Variants in NCOA6 observed in about 807,000 individuals in gnomAD.
NCOA6 encodes NRC RAP250.
NCOA6 carries 49 observed loss-of-function variants against 171.4 expected under a neutral mutation model. The ratio of observed to expected loss-of-function variants is 0.29; its 90% CI spans 0.23 to 0.36. The LOEUF (loss-of-function observed/expected upper bound fraction) is 0.36, where lower values mean the gene tolerates loss of function less well. Among genes scored for constraint, NCOA6 ranks in the 10% least tolerant of loss-of-function variants. The probability of loss-of-function intolerance (pLI) is 1.00; values close to 1 mark genes in which losing one functional copy is unlikely to be tolerated. For synonymous variants in NCOA6, 910 were observed against 927.5 expected, an observed-to-expected ratio of 0.98 and a Z score of 0.34; for missense variants, 2,248 against 2,554.5, an observed-to-expected ratio of 0.88 and a Z score of 2.59.
intron 9 of NCOA6, among the ~76,000 whole-genome samples, chr20:34,748,404 G>T (rs2076369262): frequency 6.6e-6 from 1 of 152,188 alleles, no homozygotes; most frequent in African/African-American, 2.4e-5. Context: ...TTGTGGGAAG[G>T]CTGGGATAAA....
chr20:34,726,370 G>C (rs1254091968), intron 14 of NCOA6, among the ~76,000 whole-genome samples: 1 of 152,172 alleles, frequency 6.6e-6, no homozygotes, highest in African/African-American at 2.4e-5. Flanking sequence ...CCAAGAGAGA[G>C]GGGGAGAAAG....
intron 5 of NCOA6, among the ~76,000 whole-genome samples, chr20:34,766,339 C>T (rs564213596): frequency 6.6e-6 from 1 of 152,008 alleles, no homozygotes; most frequent in African/African-American, 2.4e-5. Context: ...TGGCTGGGTA[C>T]GGTGGCTCAG....
chr20:34,757,747 G>A lies in NCOA6; in HGVS notation c.1001C>T (p.Ser334Phe). 6.2e-7 allele frequency: 1 copy of A among 1,614,146 alleles called. No individual in the cohort carries two copies. The highest frequency in any genetic ancestry group is 8.5e-7 in the Non-Finnish European group (1 of 1,180,020). The change falls in exon 7 of 15, where the codon TCT (serine) becomes TTT (phenylalanine). Residue 334 changes from serine to phenylalanine, a missense_variant. Ser to Phe is a radical substitution (Grantham distance 155). Transcript: ENST00000359003. Reference sequence around the variant, plus strand: ...TTGGTTTGCAGTCATTGTGCCCAGAGAACCCTGGGCTGGAGGAGGTTGAAG... The same window carrying A: ...TTGGTTTGCAGTCATTGTGCCCAGAAAACCCTGGGCTGGAGGAGGTTGAAG... Reference protein sequence around the residue: ...GALQPPPAQGSLGTMTANQGW... With the variant: ...GALQPPPAQGFLGTMTANQGW...
rs775435603 is a variant in NCOA6, at chr20:34,757,800, T to C, written c.948A>G (p.Pro316=). The C allele has an allele frequency of 1.2e-5, 19 of 1,614,122 alleles. No individual in the cohort carries two copies. Among genetic ancestry groups the C allele is most frequent in the Non-Finnish European group, 1.5e-5 (18 of 1,180,018 alleles). The change falls in exon 7 of 15, where the codon CCA becomes CCG. Residue 316 remains proline, a synonymous_variant. Transcript: ENST00000359003. ...CTCCAGAAGGCAGCTGGTTCCAGCC[T>C]GGAGGAACAGGCACCTGAGTTGGGG... ...FTAPTQVPVP[P]GWNQLPSGAL... is the part of the protein sequence containing the mutation.
At chr20:34,774,537 A>C (rs1272739746) in intron 4 of NCOA6, among the ~76,000 whole-genome samples, 4 of 152,224 alleles carry the variant, frequency 2.6e-5, no homozygotes, top group Non-Finnish European at 5.9e-5. Context: ...GCTAGACTGC[A>C]TAAAATGTGT....
chr20:34,767,754 A>G (rs1331769934), intron 5 of NCOA6, among the ~76,000 whole-genome samples: 4 of 152,322 alleles, frequency 2.6e-5, no homozygotes, highest in South Asian at 2.1e-4. Context: ...AGGGTCCTGA[A>G]GCTGAAAAAA....
At chr20:34,785,845 T>C (rs2077659691) in intron 2 of NCOA6, among the ~76,000 whole-genome samples, 1 of 150,376 alleles carries the variant, frequency 6.6e-6, no homozygotes, top group Admixed American at 6.7e-5. Context: ...GAATTGTCAG[T>C]TTAACAATAC....
intron 1 of NCOA6, among the ~76,000 whole-genome samples, chr20:34,823,562 G>A (rs962014734): frequency 2.0e-5 from 3 of 152,178 alleles, no homozygotes; most frequent in South Asian, 2.1e-4. Context: ...TAGCCCATGC[G>A]AACTTTGAAT....
intron 14 of NCOA6, among the ~76,000 whole-genome samples, chr20:34,724,942 C>A (rs1989785104): frequency 1.3e-5 from 2 of 152,030 alleles, no homozygotes; most frequent in Admixed American, 6.6e-5. Context: ...GCGCCCACCA[C>A]CACACCCAGC....
At chr20:34,757,121 A>G in intron 7 of NCOA6, 99 bp downstream of exon 7, 1 of 1,280,094 alleles carries the variant, frequency 7.8e-7, no homozygotes, top group South Asian at 1.6e-5. Context: ...AAATAATTAT[A>G]TCCTTACTCC....
intron 3 of NCOA6, among the ~76,000 whole-genome samples, chr20:34,781,324 C>T (rs2077512098): frequency 6.6e-6 from 1 of 152,092 alleles, no homozygotes; most frequent in African/African-American, 2.4e-5. Context: ...TCACTATGTC[C>T]GAAGGGATTA....
At chr20:34,747,157 A>C (rs1016140993) in intron 9 of NCOA6, among the ~76,000 whole-genome samples, 1 of 152,194 alleles carries the variant, frequency 6.6e-6, no homozygotes. Context: ...ATTTACTCAG[A>C]ATGCTTTCCA....
intron 1 of NCOA6, among the ~76,000 whole-genome samples, chr20:34,824,255 A>G (rs977688421): frequency 1.3e-5 from 2 of 152,198 alleles, no homozygotes; most frequent in African/African-American, 4.8e-5. Flanking sequence ...CCTTTCTCCC[A>G]GCTAGCAAAT....
rs145751574 is a variant in NCOA6, at chr20:34,757,635, G to T, written c.1113C>A (p.His371Gln). The change falls in exon 7 of 15, where the codon CAC (histidine) becomes CAA (glutamine). Residue 371 changes from histidine (H) to glutamine (Q), a missense_variant. Coordinates refer to ENST00000359003, the MANE Select transcript of NCOA6 (RefSeq NM_014071.5). The part of the protein sequence containing the change: ...PSLATVQTPS[H>Q]PPPPYPFGSQ... ...TGCCAAAGGGATATGGAGGGGGAGGGTGGGAAGGCGTCTGTACCGTGGCTA... is the reference window on the plus strand; with the variant it reads ...TGCCAAAGGGATATGGAGGGGGAGGTTGGGAAGGCGTCTGTACCGTGGCTA... The T allele has an allele frequency of 5.6e-4, 910 of 1,612,992 alleles. No individual in the cohort carries two copies. Among genetic ancestry groups the T allele is most frequent in the Non-Finnish European group, 7.3e-4 (855 of 1,179,134 alleles).
chr20:34,741,190 A>G lies in NCOA6; in HGVS notation c.5066T>C (p.Leu1689Pro), dbSNP rs1452356014. 9 of 1,614,146 alleles carry G rather than the reference A, an allele frequency of 5.6e-6. No homozygotes were observed. The highest frequency in any genetic ancestry group is 7.6e-6 in the Non-Finnish European group (9 of 1,180,052). The change falls in exon 11 of 15, where the codon CTG (leucine) becomes CCG (proline). Residue 1689 changes from leucine (L) to proline (P), a missense_variant. Coordinates refer to ENST00000359003, the MANE Select transcript of NCOA6 (RefSeq NM_014071.5). The part of the protein sequence containing the change: ...PAAPLTTNSG[L>P]MPPSVAVVGP... ...AACAACTGCAACAGAGGGAGGCATCAGGCCAGAGTTGGTTGTCAGTGGGGC... is the reference window on the plus strand; with the variant it reads ...AACAACTGCAACAGAGGGAGGCATCGGGCCAGAGTTGGTTGTCAGTGGGGC...
chr20:34,783,696 C>T (rs905330187), intron 2 of NCOA6, among the ~76,000 whole-genome samples: 1 of 152,118 alleles, frequency 6.6e-6, no homozygotes, highest in Admixed American at 6.6e-5. Flanking sequence ...CAATTCGGCT[C>T]ACTGCAACCT....
At chr20:34,745,020 G>T (rs1376972947) in intron 10 of NCOA6, among the ~76,000 whole-genome samples, 1 of 152,234 alleles carries the variant, frequency 6.6e-6, no homozygotes, top group African/African-American at 2.4e-5. Context: ...AGGCACTAAT[G>T]ATAAGACAGA....
intron 8 of NCOA6, 123 bp from the exon 9 acceptor site, chr20:34,750,642 T>C (rs1188939435): frequency 2.5e-5 from 27 of 1,076,226 alleles, no homozygotes; most frequent in Admixed American, 2.5e-4. Context: ...CCAACATAAA[T>C]ATGCTGTTGA....
intron 2 of NCOA6, among the ~76,000 whole-genome samples, chr20:34,785,763 C>T (rs914376654): frequency 6.6e-6 from 1 of 151,830 alleles, no homozygotes; most frequent in Non-Finnish European, 1.5e-5. Context: ...GATAGTCTCC[C>T]TAAACAGGTC....
Sources: gnomAD v4.1 joint callset for allele counts (sites outside exome capture counted in the v4.1 genomes callset) on GRCh38, gnomAD v4.1.1 for gene constraint, MANE v1.5 for transcripts, NCBI Gene and HGNC (gene_info 2026-07-23, HGNC 2026-07-21) for gene names.